The following TM9SF3 variants were observed in gnomAD, a reference collection of about 807,000 sequenced individuals.
The protein encoded by TM9SF3 is SM-11044-binding protein.
In TM9SF3, 14 loss-of-function variants were observed where a neutral mutation model predicts 78.6. That is an observed-to-expected ratio of 0.18 (90% CI 0.12 to 0.28). TM9SF3 has a LOEUF of 0.28. TM9SF3 is among the 10% of genes least tolerant of loss of function. The probability of loss-of-function intolerance (pLI) is 1.00; values close to 1 mark genes in which losing one functional copy is unlikely to be tolerated. For missense variants in TM9SF3, 496 were observed against 721.9 expected (o/e 0.69, Z 3.59); for synonymous variants, 231 against 241.7 (o/e 0.96, Z 0.41).
At chr10:96,529,231 C>A (rs1011705302) in intron 11 of TM9SF3, among the ~76,000 whole-genome samples, 1 of 152,078 alleles carries the variant, frequency 6.6e-6, no homozygotes, top group African/African-American at 2.4e-5. Context: ...GTACTAATGC[C>A]CATAGCATAT....
intron 10 of TM9SF3, among the ~76,000 whole-genome samples, chr10:96,532,161 G>A (rs1847905265): frequency 6.6e-6 from 1 of 151,306 alleles, no homozygotes; most frequent in Admixed American, 6.6e-5. Flanking sequence ...AGTGAGCCGA[G>A]ATCACACCAC....
At chr10:96,575,476 G>T (rs946610082) in intron 2 of TM9SF3, among the ~76,000 whole-genome samples, 2 of 148,830 alleles carry the variant, frequency 1.3e-5, no homozygotes, top group East Asian at 3.9e-4. Context: ...TGGGGAGGGG[G>T]GAGAATGTAA....
chr10:96,569,962 G>A (rs1029997554), intron 2 of TM9SF3, among the ~76,000 whole-genome samples: 1 of 152,128 alleles, frequency 6.6e-6, no homozygotes, highest in Non-Finnish European at 1.5e-5. Flanking sequence ...AGGTTGCAGT[G>A]AGCCAAGATC....
At chr10:96,535,448 G>C (rs1393510780) in intron 9 of TM9SF3, among the ~76,000 whole-genome samples, 2 of 152,172 alleles carry the variant, frequency 1.3e-5, no homozygotes, top group African/African-American at 4.8e-5. Flanking sequence ...CTTGATATTA[G>C]ATTTGTATTC....
At chr10:96,543,805 A>T (rs1329720263) in intron 9 of TM9SF3, 1 of 190,772 alleles carries the variant, frequency 5.2e-6, no homozygotes. Context: ...ATCTCTGATA[A>T]AAAGCTATAG....
chr10:96,568,448 A>G (rs1180209735), intron 2 of TM9SF3, among the ~76,000 whole-genome samples: 1 of 152,234 alleles, frequency 6.6e-6, no homozygotes, highest in Non-Finnish European at 1.5e-5. Flanking sequence ...TAAAGTGGCA[A>G]ATGTTAACCT....
intron 9 of TM9SF3, among the ~76,000 whole-genome samples, chr10:96,536,252 A>C (rs1847958019): frequency 6.6e-6 from 1 of 152,178 alleles, no homozygotes. Flanking sequence ...ATTGGGAACA[A>C]AGAAAGGATG....
chr10:96,565,159 A>G, intron 3 of TM9SF3, 145 bp downstream of exon 3: 1 of 764,612 alleles, frequency 1.3e-6, no homozygotes, highest in Non-Finnish European at 1.9e-6. Context: ...AGGTGACCAT[A>G]AAACTGGTAT....
intron 1 of TM9SF3, among the ~76,000 whole-genome samples, chr10:96,584,218 A>G (rs1848605641): frequency 6.6e-6 from 1 of 152,142 alleles, no homozygotes; most frequent in African/African-American, 2.4e-5. Flanking sequence ...CTACTCAGCA[A>G]CTTCCCCACA....
chr10:96,541,660 C>T lies in TM9SF3; in HGVS notation c.1185+2416G>A, dbSNP rs921729114. On this transcript the variant is annotated intron_variant, in intron 9 of 14. Transcript: ENST00000371142. ...CAGCCTCCCATGCTGGAATTACAGG[C>T]GTGAGCCATCATGCCCAGCCAGATG... Among the ~76,000 whole-genome samples the T allele has an allele frequency of 1.0e-3, 154 of 152,256 alleles. 1 individual carries two copies. The highest frequency in any genetic ancestry group is 2.5e-4 in the Non-Finnish European group (17 of 68,008).
chr10:96,582,454 C>T (rs1167158719), intron 1 of TM9SF3, among the ~76,000 whole-genome samples: 3 of 152,124 alleles, frequency 2.0e-5, no homozygotes, highest in Non-Finnish European at 2.9e-5. Flanking sequence ...TGGAGTCCTT[C>T]GGAATCTTAG....
rs564713228 is a variant in TM9SF3 at position 96,576,954 on chromosome 10, C to T, written c.103-125G>A. On this transcript the variant is annotated intron_variant, in intron 1 of 14. Coordinates refer to ENST00000371142, the MANE Select transcript of TM9SF3 (RefSeq NM_020123.4). ...TGTTCAGGAAGCTATAAAATAAATACTGGAAGCTTAATCTGATGATGAATG... is the reference window on the plus strand; with the variant it reads ...TGTTCAGGAAGCTATAAAATAAATATTGGAAGCTTAATCTGATGATGAATG... 16 of 668,850 alleles carry T rather than the reference C, an allele frequency of 2.4e-5. No homozygotes were observed. The African/African-American group carries it at 2.8e-4, about 12-fold the overall frequency. The allele number at this position is 668,850 out of a possible 1,614,324, so 41.4% of individuals were successfully genotyped here. A position where few individuals can be genotyped will look rare whatever the true frequency, so the allele number is the denominator to read the frequency against.
At chr10:96,545,878 A>C (rs919430318) in intron 8 of TM9SF3, among the ~76,000 whole-genome samples, 27 of 143,004 alleles carry the variant, frequency 1.9e-4, no homozygotes, top group African/African-American at 7.0e-4. Flanking sequence ...GACAAGAGCG[A>C]AACTCCATCT....
At chr10:96,543,365 G>T (rs1385217312) in intron 9 of TM9SF3, among the ~76,000 whole-genome samples, 5 of 68,830 alleles carry the variant, frequency 7.3e-5, no homozygotes, top group South Asian at 4.7e-4. Context: ...GATGGAGTCT[G>T]GCTCTGTCGC....
At chr10:96,538,858 T>C (rs1451909019) in intron 9 of TM9SF3, among the ~76,000 whole-genome samples, 1 of 152,230 alleles carries the variant, frequency 6.6e-6, no homozygotes, top group Non-Finnish European at 1.5e-5. Flanking sequence ...TAAAAAGACT[T>C]ACTATATCAA....
intron 9 of TM9SF3, among the ~76,000 whole-genome samples, chr10:96,538,226 C>T (rs1847982349): frequency 6.6e-6 from 1 of 152,154 alleles, no homozygotes; most frequent in South Asian, 2.1e-4. Flanking sequence ...AAAATCCACA[C>T]ATACATGGTA....
intron 14 of TM9SF3, among the ~76,000 whole-genome samples, chr10:96,523,461 C>G (rs1365990392): frequency 6.6e-6 from 1 of 151,776 alleles, no homozygotes; most frequent in East Asian, 1.9e-4. Context: ...GAAGGTTATC[C>G]TTATGGAAGT....
At chr10:96,579,330 C>T (rs1469904055) in intron 1 of TM9SF3, among the ~76,000 whole-genome samples, 1 of 152,176 alleles carries the variant, frequency 6.6e-6, no homozygotes, top group Admixed American at 6.5e-5. Context: ...ATTAACCCTG[C>T]TGAGTCTGCA....
At chr10:96,568,634 T>C (rs1352882750) in intron 2 of TM9SF3, among the ~76,000 whole-genome samples, 3 of 152,306 alleles carry the variant, frequency 2.0e-5, no homozygotes, top group East Asian at 1.9e-4. Flanking sequence ...CCATACTTTG[T>C]TTACTTTCTC....
Sources: gnomAD v4.1 joint callset for allele counts (sites outside exome capture counted in the v4.1 genomes callset) on GRCh38, gnomAD v4.1.1 for gene constraint, MANE v1.5 for transcripts, NCBI Gene and HGNC (gene_info 2026-07-23, HGNC 2026-07-21) for gene names.